CCDC178: variants seen among roughly 807,000 people sequenced by gnomAD.
CCDC178 encodes coiled-coil domain containing 178, also known as coiled-coil domain-containing protein 178.
A neutral mutation model predicts 117.4 loss-of-function variants in CCDC178; 126 were observed. That is an observed-to-expected ratio of 1.07 (90% CI 0.93 to 1.24). CCDC178 has a LOEUF of 1.24. Ranked by LOEUF, CCDC178 falls within the 50% of genes most tolerant of loss-of-function variation. The pLI is 0.00. For missense variants in CCDC178, 1,030 were observed against 986.9 expected, an observed-to-expected ratio of 1.04 and a Z score of -0.59; for synonymous variants, 283 against 313.4, an observed-to-expected ratio of 0.90 and a Z score of 1.02.
chr18:33,102,640 G>T (rs898986718), intron 20 of CCDC178, among the ~76,000 whole-genome samples: 30 of 151,562 alleles, frequency 2.0e-4, no homozygotes, highest in African/African-American at 6.8e-4. Flanking sequence ...TACTCACCTG[G>T]TACTGTTGTT....
intron 20 of CCDC178, among the ~76,000 whole-genome samples, chr18:33,129,284 G>A (rs2058044141): frequency 6.6e-6 from 1 of 152,158 alleles, no homozygotes; most frequent in Middle Eastern, 3.4e-3. Flanking sequence ...ACTAGTTAAT[G>A]CTATAAAGCA....
rs2063742396 is a variant in CCDC178, at chr18:33,403,722, G to A, written c.59-6514C>T. ...GACACCCCAAAAACTGGAGGGTCAG[G>A]CTAATGCAGAAGTTGCTGGAGCCAA... On this transcript the variant is annotated intron_variant, in intron 3 of 22. Coordinates refer to ENST00000383096, the MANE Select transcript of CCDC178 (RefSeq NM_001105528.4). Among the ~76,000 whole-genome samples the A allele has an allele frequency of 2.0e-5, 3 of 152,178 alleles. 1 individual carries two copies. In the South Asian group the frequency reaches 6.2e-4, roughly 32 times the overall value.
intron 5 of CCDC178, among the ~76,000 whole-genome samples, chr18:33,377,288 A>G (rs1273269337): frequency 6.7e-6 from 1 of 149,056 alleles, no homozygotes; most frequent in Non-Finnish European, 1.5e-5. Context: ...ACTTCTTAAT[A>G]GGGTTGTTTT....
At chr18:33,102,780 T>C (rs1452172670) in intron 20 of CCDC178, among the ~76,000 whole-genome samples, 1 of 151,852 alleles carries the variant, frequency 6.6e-6, no homozygotes, top group Non-Finnish European at 1.5e-5. Context: ...AATCTTGGTA[T>C]AGGGGAAAAT....
At chr18:33,186,301 T>C (rs969355708) in intron 20 of CCDC178, among the ~76,000 whole-genome samples, 2 of 152,070 alleles carry the variant, frequency 1.3e-5, no homozygotes, top group Non-Finnish European at 1.5e-5. Context: ...TGTGTGTGTG[T>C]ATTTTAAACT....
intron 22 of CCDC178, among the ~76,000 whole-genome samples, chr18:32,949,083 T>G (rs2054417836): frequency 1.3e-5 from 2 of 152,160 alleles, no homozygotes; most frequent in Admixed American, 1.3e-4. Flanking sequence ...TCTTCTCATT[T>G]GCATTGTTAC....
chr18:33,293,401 C>T, intron 11 of CCDC178, 89 bp from the exon 12 acceptor site: 1 of 774,876 alleles, frequency 1.3e-6, no homozygotes, highest in South Asian at 2.2e-5. Context: ...TGGCTCATGC[C>T]TGTAATCTCA....
intron 20 of CCDC178, among the ~76,000 whole-genome samples, chr18:33,093,567 CA>C (rs1426366141): frequency 6.6e-6 from 1 of 151,962 alleles, no homozygotes; most frequent in Non-Finnish European, 1.5e-5. Context: ...AAATATATGT[CA>C]AATCTAATAT....
At chr18:33,006,942 CTGACAACTGGA>C (rs1463666043) in intron 21 of CCDC178, among the ~76,000 whole-genome samples, 1 of 152,030 alleles carries the variant, frequency 6.6e-6, no homozygotes, top group East Asian at 1.9e-4. Flanking sequence ...CACAGCCTGG[CTGACAACTGGA>C]TTTCAGTCTT....
At chr18:33,122,707 G>A (rs271570) in intron 20 of CCDC178, among the ~76,000 whole-genome samples, 1 of 152,088 alleles carries the variant, frequency 6.6e-6, no homozygotes, top group African/African-American at 2.4e-5. Flanking sequence ...CATTTTTAAA[G>A]TCTGTTATTG....
At chr18:33,021,092 C>G (rs2056106791) in intron 21 of CCDC178, among the ~76,000 whole-genome samples, 1 of 152,146 alleles carries the variant, frequency 6.6e-6, no homozygotes, top group Non-Finnish European at 1.5e-5. Context: ...GAAACAGCAA[C>G]CAACATTACA....
At chr18:32,977,341 A>G (rs2055048390) in intron 21 of CCDC178, among the ~76,000 whole-genome samples, 1 of 152,154 alleles carries the variant, frequency 6.6e-6, no homozygotes, top group Admixed American at 6.5e-5. Context: ...GACTGCTAGA[A>G]ACACCCAAGG....
intron 6 of CCDC178, among the ~76,000 whole-genome samples, chr18:33,367,473 T>C (rs979861425): frequency 1.3e-5 from 2 of 152,054 alleles, no homozygotes; most frequent in African/African-American, 4.8e-5. Context: ...CCTGCTTAAT[T>C]TTATTTTTGA....
chr18:33,150,566 A>G (rs1179325206), intron 20 of CCDC178, among the ~76,000 whole-genome samples: 1 of 152,222 alleles, frequency 6.6e-6, no homozygotes, highest in Non-Finnish European at 1.5e-5. Context: ...GTCAAAGGAC[A>G]TGAATAGCCA....
intron 21 of CCDC178, among the ~76,000 whole-genome samples, chr18:33,047,217 G>T (rs2056660353): frequency 6.6e-6 from 1 of 151,524 alleles, no homozygotes. Context: ...AGAACCAAAA[G>T]AAAAAAAATA....
chr18:33,353,879 T>C (rs1197763513), intron 7 of CCDC178, among the ~76,000 whole-genome samples: 2 of 152,192 alleles, frequency 1.3e-5, no homozygotes, highest in African/African-American at 2.4e-5. Flanking sequence ...ACCTTTATTA[T>C]TGTTTATTAT....
intron 14 of CCDC178, among the ~76,000 whole-genome samples, chr18:33,266,290 T>C (rs1015422911): frequency 1.3e-5 from 2 of 151,980 alleles, no homozygotes; most frequent in Non-Finnish European, 2.9e-5. Flanking sequence ...ATGCTGTGTA[T>C]GCGACCTGTG....
At chr18:33,216,473 ATGGAC>A (rs777123735) in intron 18 of CCDC178, among the ~76,000 whole-genome samples, 9 of 152,120 alleles carry the variant, frequency 5.9e-5, no homozygotes, top group Non-Finnish European at 1.2e-4. Context: ...TGACTCACTG[ATGGAC>A]TGTTATTGAA....
In CCDC178 at chr18:33,223,116, A is replaced by G. The variant is rs1309365034; in HGVS notation, c.1922T>C (p.Ile641Thr). Residue 641 changes from isoleucine to threonine, a missense_variant, in exon 18 of 23, where the codon ATA (isoleucine) becomes ACA (threonine). Physicochemically the swap from Ile to Thr is moderately conservative, Grantham distance 89. Coordinates refer to ENST00000383096, the MANE Select transcript of CCDC178 (RefSeq NM_001105528.4). ...AACTTAAATTCTTACCTCAGTTTCT[A>G]TTAATGCATCAAGGGTTTTCTTCCC... The part of the protein sequence containing the change: ...KKGKKTLDAL[I>T]ETESKRSAIF... The G allele has an allele frequency of 1.9e-6, 3 of 1,596,588 alleles. No homozygotes were observed. The highest frequency in any genetic ancestry group is 1.1e-5 in the South Asian group (1 of 89,130).
Sources: gnomAD v4.1 joint callset for allele counts (sites outside exome capture counted in the v4.1 genomes callset) on GRCh38, gnomAD v4.1.1 for gene constraint, MANE v1.5 for transcripts, NCBI Gene and HGNC (gene_info 2026-07-23, HGNC 2026-07-21) for gene names.